The following SCAPER variants were observed in gnomAD, a reference collection of about 807,000 sequenced individuals.
The protein encoded by SCAPER is S-phase cyclin A associated protein in the ER.
Under a neutral mutation model 182.2 loss-of-function variants are expected in SCAPER, and 98 were observed. That is an observed-to-expected ratio of 0.54 (90% CI 0.46 to 0.64). The LOEUF (loss-of-function observed/expected upper bound fraction) is 0.64, where lower values mean the gene tolerates loss of function less well. Ranked by LOEUF, SCAPER falls within the 30% of genes least tolerant of loss-of-function variation. SCAPER has a pLI of 0.00. For synonymous variants in SCAPER, 605 were observed against 564.6 expected (o/e 1.07, Z -1.01); for missense variants, 1,432 against 1,690.0 (o/e 0.85, Z 2.68).
intron 29 of SCAPER, among the ~76,000 whole-genome samples, chr15:76,358,200 T>C (rs2041136359): frequency 6.6e-6 from 1 of 152,246 alleles, no homozygotes; most frequent in Non-Finnish European, 1.5e-5. Context: ...TGGAAACTCT[T>C]TGACTAAACA....
At chr15:76,493,199 A>G (rs1247436441) in intron 24 of SCAPER, among the ~76,000 whole-genome samples, 2 of 152,206 alleles carry the variant, frequency 1.3e-5, no homozygotes, top group Non-Finnish European at 2.9e-5. Flanking sequence ...GCATCAAGTC[A>G]ATATAACAAT....
intron 15 of SCAPER, among the ~76,000 whole-genome samples, chr15:76,742,228 A>G (rs999605872): frequency 1.3e-5 from 2 of 151,946 alleles, no homozygotes; most frequent in African/African-American, 4.8e-5. Flanking sequence ...ATTAAGGAAG[A>G]CATGGGTGAT....
chr15:76,711,080 G>A (rs1448062180), intron 17 of SCAPER, among the ~76,000 whole-genome samples: 2 of 152,080 alleles, frequency 1.3e-5, no homozygotes, highest in Non-Finnish European at 2.9e-5. Flanking sequence ...AATGCTAAGT[G>A]CTAACTGAAA....
At chr15:76,528,352 T>A (rs902381624) in intron 23 of SCAPER, among the ~76,000 whole-genome samples, 23 of 152,166 alleles carry the variant, frequency 1.5e-4, no homozygotes, top group African/African-American at 5.1e-4. Context: ...GTATCTCGAG[T>A]CTAGATCTCT....
At chr15:76,767,189 T>C (rs891926474) in intron 10 of SCAPER, 101 bp from the exon 11 acceptor site, 8 of 1,098,578 alleles carry the variant, frequency 7.3e-6, no homozygotes, top group Non-Finnish European at 9.0e-6. Context: ...ATACATAAAA[T>C]TGTATTGATC....
chr15:76,696,757 G>A (rs1459224611), intron 20 of SCAPER, among the ~76,000 whole-genome samples: 1 of 152,056 alleles, frequency 6.6e-6, no homozygotes, highest in East Asian at 1.9e-4. Context: ...CATGTAAAAA[G>A]TTAAATTTTA....
intron 20 of SCAPER, among the ~76,000 whole-genome samples, chr15:76,676,787 T>A (rs183759921): frequency 1.3e-5 from 2 of 151,556 alleles, no homozygotes; most frequent in Admixed American, 1.3e-4. Flanking sequence ...GAGTTTTATA[T>A]ATTTGGGCAT....
chr15:76,584,362 T>C (rs2048476414), intron 22 of SCAPER, among the ~76,000 whole-genome samples: 1 of 152,218 alleles, frequency 6.6e-6, no homozygotes, highest in South Asian at 2.1e-4. Context: ...CATAACAGAA[T>C]GACTACAGTC....
intron 27 of SCAPER, among the ~76,000 whole-genome samples, chr15:76,402,024 G>C (rs2044496279): frequency 6.6e-6 from 1 of 152,176 alleles, no homozygotes; most frequent in Non-Finnish European, 1.5e-5. Flanking sequence ...CTACTCAGCT[G>C]GCTGAGGCAG....
intron 9 of SCAPER, 112 bp from the exon 10 acceptor site, chr15:76,772,066 T>A: frequency 1.4e-6 from 1 of 723,270 alleles, no homozygotes; most frequent in Non-Finnish European, 2.2e-6. Context: ...AAGAGGTACT[T>A]GACTGGATGA....
At chr15:76,765,103 T>C (rs1208085825) in intron 13 of SCAPER, 31 bp from the exon 14 acceptor site, 2 of 1,441,352 alleles carry the variant, frequency 1.4e-6, no homozygotes, top group Non-Finnish European at 1.9e-6. Context: ...ACAAGAGACA[T>C]GAAATGTTTA....
intron 8 of SCAPER, among the ~76,000 whole-genome samples, chr15:76,791,744 T>C (rs1327683516): frequency 4.6e-5 from 7 of 152,128 alleles, no homozygotes; most frequent in Admixed American, 3.9e-4. Context: ...GCTGATATTG[T>C]AGCAACTGTA....
intron 3 of SCAPER, among the ~76,000 whole-genome samples, chr15:76,859,576 C>T (rs1211159795): frequency 6.6e-6 from 1 of 152,154 alleles, no homozygotes; most frequent in Non-Finnish European, 1.5e-5. Flanking sequence ...CTATTAAAAA[C>T]TTAGTCTTTA....
intron 24 of SCAPER, among the ~76,000 whole-genome samples, chr15:76,472,650 T>C (rs985328320): frequency 6.6e-6 from 1 of 152,096 alleles, no homozygotes; most frequent in South Asian, 2.1e-4. Context: ...TGCCTGGCCT[T>C]GTTTTACTTT....
chr15:76,360,597 G>A (rs1240910244), intron 29 of SCAPER, among the ~76,000 whole-genome samples: 2 of 152,226 alleles, frequency 1.3e-5, no homozygotes, highest in Non-Finnish European at 2.9e-5. Flanking sequence ...CTTCTTGCAT[G>A]GCTCTGCCAG....
Position 76,705,889 on chromosome 15 carries a change from T to C in SCAPER, c.2247+14A>G, listed in dbSNP as rs1414287058. Reference sequence around the variant, plus strand: ...GCTCTAAAATTTCAAATTAAAAATATATAATATCCTTACCTTGAGCTGAAT... The same window carrying C: ...GCTCTAAAATTTCAAATTAAAAATACATAATATCCTTACCTTGAGCTGAAT... On this transcript the variant is annotated intron_variant, in intron 18 of 31. Coordinates refer to ENST00000563290, the MANE Select transcript of SCAPER (RefSeq NM_020843.4). 6 of 1,517,998 alleles carry C rather than the reference T, an allele frequency of 4.0e-6. No homozygotes were observed. In the African/African-American group the frequency reaches 5.6e-5, roughly 14 times the overall value. The allele number at this position is 1,517,998 out of a possible 1,614,324, so 94.0% of individuals were successfully genotyped here.
chr15:76,761,271 T>C (rs1437032675), intron 14 of SCAPER, among the ~76,000 whole-genome samples: 1 of 152,142 alleles, frequency 6.6e-6, no homozygotes, highest in African/African-American at 2.4e-5. Context: ...TTTTTTTCTT[T>C]CCAACAAACC....
intron 21 of SCAPER, among the ~76,000 whole-genome samples, chr15:76,645,567 T>C (rs975110804): frequency 1.3e-5 from 2 of 151,876 alleles, no homozygotes; most frequent in Admixed American, 6.6e-5. Flanking sequence ...CTTATTATCA[T>C]CGTCATTATT....
intron 25 of SCAPER, among the ~76,000 whole-genome samples, chr15:76,455,710 G>A (rs563507970): frequency 1.3e-5 from 2 of 151,990 alleles, no homozygotes; most frequent in Non-Finnish European, 2.9e-5. Context: ...TGTGCTGAAC[G>A]TGCAGGTTAC....
Sources: gnomAD v4.1 joint callset for allele counts (sites outside exome capture counted in the v4.1 genomes callset) on GRCh38, gnomAD v4.1.1 for gene constraint, MANE v1.5 for transcripts, NCBI Gene and HGNC (gene_info 2026-07-23, HGNC 2026-07-21) for gene names.